The following MAJIN variants were observed in gnomAD, a reference collection of about 807,000 sequenced individuals.
MAJIN encodes membrane anchored junction protein.
In MAJIN, 27 loss-of-function variants were observed where a neutral mutation model predicts 30.2. The ratio of observed to expected loss-of-function variants is 0.89; its 90% CI spans 0.66 to 1.23. The LOEUF is 1.23. MAJIN is among the 50% of genes most tolerant of loss of function. MAJIN has a pLI of 0.00. For synonymous variants in MAJIN, 78 were observed against 91.6 expected (o/e 0.85, Z 0.85); for missense variants, 253 against 260.3 (o/e 0.97, Z 0.19).
intron 3 of MAJIN, among the ~76,000 whole-genome samples, chr11:64,958,651 AAT>A (rs1352002927): frequency 1.3e-5 from 2 of 151,314 alleles, no homozygotes; most frequent in African/African-American, 2.4e-5. Flanking sequence ...GAGATGAAAA[AAT>A]ATATATATAT....
intron 3 of MAJIN, among the ~76,000 whole-genome samples, chr11:64,956,222 C>CCGGG (rs1461504768): frequency 1.3e-5 from 2 of 152,114 alleles, no homozygotes; most frequent in Non-Finnish European, 2.9e-5. Flanking sequence ...ATTGCTTGAA[C>CCGGG]CGGGAGGCAG....
intron 8 of MAJIN, among the ~76,000 whole-genome samples, chr11:64,944,769 T>A (rs770535778): frequency 6.6e-6 from 1 of 152,190 alleles, no homozygotes; most frequent in Non-Finnish European, 1.5e-5. Context: ...TGTGTTTGGA[T>A]ACTTAGGGTC....
intron 1 of MAJIN, among the ~76,000 whole-genome samples, chr11:64,960,608 G>A (rs1945706919): frequency 6.6e-6 from 1 of 151,976 alleles, no homozygotes; most frequent in South Asian, 2.1e-4. Flanking sequence ...GTTATAAGGA[G>A]GAAAAAACAA....
chr11:64,942,036 G>A (rs1945386863), intron 8 of MAJIN, among the ~76,000 whole-genome samples: 1 of 152,124 alleles, frequency 6.6e-6, no homozygotes, highest in African/African-American at 2.4e-5. Context: ...ACTCTGAAGA[G>A]GACATTTTAC....
intron 8 of MAJIN, chr11:64,946,110 GCTT>G: frequency 2.0e-6 from 3 of 1,535,204 alleles, no homozygotes; most frequent in Non-Finnish European, 2.6e-6. Context: ...TCCACAGGGG[GCTT>G]CTTTTTGCTG....
intron 1 of MAJIN, among the ~76,000 whole-genome samples, chr11:64,962,680 C>T (rs564698954): frequency 6.6e-6 from 1 of 152,150 alleles, no homozygotes; most frequent in Non-Finnish European, 1.5e-5. Context: ...TTCCTAGTTT[C>T]TATGTCTACA....
chr11:64,961,562 A>G (rs240568), intron 1 of MAJIN, among the ~76,000 whole-genome samples: 78,214 of 136,838 alleles, frequency 0.57, 22,791 homozygotes, highest in Middle Eastern at 0.69. Context: ...TGCAAGCTCC[A>G]CCTCCCAGGT....
In MAJIN at chr11:64,963,118, G is replaced by C. The variant is rs1945753555; in HGVS notation, c.-64-2983C>G. 2.0e-5 allele frequency among the ~76,000 whole-genome samples: 3 copies of C among 152,028 alleles called. No homozygotes were observed. The Middle Eastern group carries it at 0.01, about 517-fold the overall frequency. ...CTCCAGCATGGGGGACAGAGTGAGA[G>C]TCCATCTCAAAAAAACAAACAAAAA... On this transcript the variant is annotated intron_variant, in intron 1 of 10. Transcript: ENST00000301896.
intron 1 of MAJIN, among the ~76,000 whole-genome samples, chr11:64,963,650 C>CA (rs1945761765): frequency 1.3e-5 from 2 of 152,108 alleles, no homozygotes; most frequent in Admixed American, 6.6e-5. Flanking sequence ...CCAGGCTGGC[C>CA]AACATGGTGA....
Position 64,959,163 on chromosome 11 carries a change from A to G in MAJIN, c.101+142T>C, listed in dbSNP as rs939362887. The G allele has an allele frequency of 1.2e-5, 7 of 594,930 alleles. No homozygotes were observed. In the African/African-American group the frequency reaches 1.3e-4, roughly 11 times the overall value. 36.9% of individuals were successfully genotyped at this position (594,930 alleles called of 1,614,324 possible). A position where few individuals can be genotyped will look rare whatever the true frequency, so the allele number is the denominator to read the frequency against. ...TATGAATAATATATATACTGAATAT[A>G]AAATTCCTGGGAAAGACAGTCCTGC... On this transcript the variant is annotated intron_variant, in intron 3 of 10. Transcript: ENST00000301896.
At chr11:64,948,612 TATATATATATATATATATATATATA>T (rs1945490469) in intron 6 of MAJIN, among the ~76,000 whole-genome samples, 1 of 33,038 alleles carries the variant, frequency 3.0e-5, no homozygotes, top group African/African-American at 1.8e-4. Flanking sequence ...CATATATATA[TATATATATATATATATATATATATA>T]TATTTTTTTT....
intron 1 of MAJIN, among the ~76,000 whole-genome samples, chr11:64,965,711 C>T (rs1945795424): frequency 6.6e-6 from 1 of 152,050 alleles, no homozygotes; most frequent in Non-Finnish European, 1.5e-5. Context: ...AATCCCAGCA[C>T]TTTGGGAGGC....
At chr11:64,940,827 T>TC (rs1432348450) in intron 8 of MAJIN, among the ~76,000 whole-genome samples, 181 bp from the exon 9 acceptor site, 3 of 126,896 alleles carry the variant, frequency 2.4e-5, no homozygotes, top group African/African-American at 9.8e-5. Flanking sequence ...TCTTTTCTTT[T>TC]TTTCTTTCTT....
intron 3 of MAJIN, among the ~76,000 whole-genome samples, chr11:64,957,235 T>C (rs958456725): frequency 6.6e-6 from 1 of 151,966 alleles, no homozygotes; most frequent in Non-Finnish European, 1.5e-5. Flanking sequence ...CAAACCACCA[T>C]GTCCAGCTAA....
chr11:64,945,253 G>A (rs1029662472), intron 8 of MAJIN, among the ~76,000 whole-genome samples: 26 of 152,074 alleles, frequency 1.7e-4, no homozygotes, highest in African/African-American at 6.3e-4. Flanking sequence ...AGCTACTCGG[G>A]AGGCTGAGGC....
In MAJIN at chr11:64,965,735, T is replaced by A. The variant is rs1012570421; in HGVS notation, c.-64-5600A>T. ...ACTTTGGGAGGCCGAGGCGGGCTGA[T>A]CACGAGGTCAGGAGATCGATACTAT... On this transcript the variant is annotated intron_variant, in intron 1 of 10. Coordinates refer to ENST00000301896, the MANE Select transcript of MAJIN (RefSeq NM_001037225.3). 3.9e-5 allele frequency among the ~76,000 whole-genome samples: 6 copies of A among 152,024 alleles called. No homozygotes were observed. In the South Asian group the frequency reaches 1.2e-3, roughly 32 times the overall value.
chr11:64,966,929 CAAAAAAAA>C (rs111480545), intron 1 of MAJIN, among the ~76,000 whole-genome samples: 1 of 69,588 alleles, frequency 1.4e-5, no homozygotes, highest in Non-Finnish European at 2.9e-5. Context: ...ATGACTGTCT[CAAAAAAAA>C]AAAAAAAAAA....
intron 9 of MAJIN, 147 bp downstream of exon 9, chr11:64,940,427 G>C: frequency 2.7e-6 from 2 of 737,196 alleles, no homozygotes; most frequent in Non-Finnish European, 4.6e-6. Context: ...CAGACCAGAG[G>C]ATGGCTAACA....
At chr11:64,963,966 C>T (rs654772) in intron 1 of MAJIN, among the ~76,000 whole-genome samples, 70,594 of 152,048 alleles carry the variant, frequency 0.46, 18,797 homozygotes, top group Non-Finnish European at 0.62. Context: ...GTTTTTGAGA[C>T]GGAGTCTCAC....
Sources: allele counts gnomAD v4.1 joint callset (sites outside exome capture counted in the v4.1 genomes callset), GRCh38; gene constraint gnomAD v4.1.1; transcripts MANE v1.5; gene names NCBI Gene and HGNC (gene_info 2026-07-23, HGNC 2026-07-21).